The following NT5DC4 variants were observed in gnomAD, a reference collection of about 807,000 sequenced individuals.
NT5DC4 encodes 5'-nucleotidase domain containing 4.
NT5DC4 carries 44 observed loss-of-function variants against 26.6 expected under a neutral mutation model. The ratio of observed to expected loss-of-function variants is 1.65; its 90% CI spans 1.30 to 2.13. NT5DC4 has a LOEUF of 2.13. Ranked by LOEUF, NT5DC4 falls within the 30% of genes most tolerant of loss-of-function variation. The pLI, the probability that NT5DC4 is intolerant of heterozygous loss-of-function variation, is 0.00. For synonymous variants in NT5DC4, 157 were observed against 86.7 expected (o/e 1.81, Z -4.51); for missense variants, 399 against 228.1 (o/e 1.75, Z -4.83).
chr2:112,739,961 A>AT (rs905489088), downstream of NT5DC4, among the ~76,000 whole-genome samples: 9 of 146,428 alleles, frequency 6.1e-5, no homozygotes, highest in Non-Finnish European at 9.1e-5. Context: ...CAGCCTTTTC[A>AT]TTTTTTTTTT....
intron 16 of NT5DC4, chr2:112,736,538 C>A (rs567088790): frequency 6.6e-6 from 1 of 152,280 alleles, no homozygotes; most frequent in Admixed American, 6.5e-5. Context: ...TTAACTTTAG[C>A]CCTATCTCTA....
At chr2:112,720,501 C>T (rs544105491), upstream of NT5DC4, among the ~76,000 whole-genome samples, 1 of 152,274 alleles carries the variant, frequency 6.6e-6, no homozygotes, top group African/African-American at 2.4e-5. Flanking sequence ...TAGAACTCTA[C>T]ACTAAATGGC....
In NT5DC4 at chr2:112,728,123, T is replaced by A. The variant is rs884659; in HGVS notation, c.1266+1385T>A. ...GTGGGATCACAGTCTTGCAGATAAC[T>A]GTCTGTGTCTTAACAGACGCATGGG... On this transcript the variant is annotated intron_variant, in intron 15 of 16. Coordinates refer to ENST00000688554, the MANE Select transcript of NT5DC4 (RefSeq NM_001393655.1). Among the ~76,000 whole-genome samples the A allele has an allele frequency of 9.2e-3, 1,406 of 152,350 alleles. 18 individuals carry two copies. Among genetic ancestry groups the A allele is most frequent in the African/African-American group, 0.032 (1,342 of 41,584 alleles).
chr2:112,723,553 G>A (rs1677257765), intron 8 of NT5DC4, 85 bp downstream of exon 8: 1 of 701,274 alleles, frequency 1.4e-6, no homozygotes, highest in Admixed American at 2.1e-5. Flanking sequence ...CTTTCTTCGA[G>A]GTTTAGGCTG....
chr2:112,737,659 T>C (rs1437378431), intron 16 of NT5DC4: 2 of 152,210 alleles, frequency 1.3e-5, no homozygotes, highest in Admixed American at 1.3e-4. Context: ...AGCTTTATTA[T>C]AAATCTGACT....
At chr2:112,719,924 C>CTCTTTCTTTCTTTCTT (rs35714262), upstream of NT5DC4, among the ~76,000 whole-genome samples, 1 of 69,124 alleles carries the variant, frequency 1.4e-5, no homozygotes, top group African/African-American at 6.6e-5. Context: ...TTCTTTCTTT[C>CTCTTTCTTTCTTTCTT]TCTTTCTTTC....
chr2:112,741,224 C>T (rs1679937606), downstream of NT5DC4, among the ~76,000 whole-genome samples: 1 of 152,136 alleles, frequency 6.6e-6, no homozygotes, highest in African/African-American at 2.4e-5. Context: ...CCCTCGTAGC[C>T]AGCCCCCGAG....
intron 15 of NT5DC4, among the ~76,000 whole-genome samples, chr2:112,727,653 A>G (rs1677917352): frequency 6.6e-6 from 1 of 152,198 alleles, no homozygotes; most frequent in Non-Finnish European, 1.5e-5. Flanking sequence ...GGTCTACAAC[A>G]TGCTGCTCCT....
rs985371365 is a variant in NT5DC4, at chr2:112,725,241, G to A, written c.982+1G>A. 1 of 709,680 alleles carries A rather than the reference G, an allele frequency of 1.4e-6. No homozygotes were observed. Among genetic ancestry groups the A allele is most frequent in the Non-Finnish European group, 2.6e-6 (1 of 378,842 alleles). 44.0% of individuals were successfully genotyped at this position (709,680 alleles called of 1,614,324 possible). A position where few individuals can be genotyped will look rare whatever the true frequency, so the allele number is the denominator to read the frequency against. On this transcript the variant is annotated splice_donor_variant, in intron 12 of 16. Transcript: ENST00000688554. LOFTEE classifies it high-confidence loss of function. ...CAGCACTGTGCTGTCTACTCTGGAG[G>A]TACCAGCTCCCACCATGCCCCATCA... is the stretch of plus-strand genomic sequence containing the variant.
At chr2:112,723,885 G>T (rs1260364349) in intron 9 of NT5DC4, 83 bp downstream of exon 9, 3 of 702,152 alleles carry the variant, frequency 4.3e-6, no homozygotes, top group African/African-American at 3.5e-5. Context: ...AACAGGGAGG[G>T]GTGGGGCGGG....
chr2:112,740,490 G>A (rs147752678), downstream of NT5DC4, among the ~76,000 whole-genome samples: 6 of 152,292 alleles, frequency 3.9e-5, no homozygotes, highest in African/African-American at 1.4e-4. Context: ...CGTTCTTAGA[G>A]GGGTATTCAC....
intron 15 of NT5DC4, among the ~76,000 whole-genome samples, chr2:112,727,663 T>C (rs1234034083): frequency 2.0e-5 from 3 of 152,182 alleles, no homozygotes; most frequent in African/African-American, 7.2e-5. Flanking sequence ...ATGCTGCTCC[T>C]TCCTACAGAG....
chr2:112,729,581 T>C (rs1175982909), intron 15 of NT5DC4, 46 bp from the exon 16 acceptor site: 1 of 717,138 alleles, frequency 1.4e-6, no homozygotes, highest in Non-Finnish European at 2.6e-6. Flanking sequence ...TGGAAGGCCG[T>C]ACCCGGGACG....
intron 16 of NT5DC4, among the ~76,000 whole-genome samples, chr2:112,735,206 G>T (rs1035522723): frequency 1.3e-5 from 2 of 151,640 alleles, no homozygotes; most frequent in Non-Finnish European, 2.9e-5. Context: ...CCCACGCCTG[G>T]ATAACGCCTG....
chr2:112,737,344 A>G (rs1679351178), intron 16 of NT5DC4: 1 of 152,174 alleles, frequency 6.6e-6, no homozygotes, highest in South Asian at 2.1e-4. Flanking sequence ...CACGCCCACA[A>G]ACAGTGTACT....
upstream of NT5DC4, among the ~76,000 whole-genome samples, chr2:112,719,927 TTTC>T (rs1487509775): frequency 9.0e-5 from 2 of 22,242 alleles, no homozygotes; most frequent in African/African-American, 3.0e-4. Flanking sequence ...TTTCTTTCTC[TTTC>T]TTTCTTTCTT....
rs976836382 is a variant in NT5DC4, at chr2:112,722,566, T to C, written c.446T>C (p.Leu149Pro). The C allele has an allele frequency of 4.2e-6, 3 of 717,258 alleles. No individual in the cohort carries two copies. Among genetic ancestry groups the C allele is most frequent in the African/African-American group, 1.7e-5 (1 of 57,228 alleles). The allele number at this position is 717,258 out of a possible 1,614,324, so 44.4% of individuals were successfully genotyped here. ...GACGACCTGCAGTGTTTCTACATAC[T>C]CAACATGCTCTTCAACCTGCCTGGT... ...QRDDLQCFYILNMLFNLPETY... is the reference protein window; with the variant it reads ...QRDDLQCFYIPNMLFNLPETY... The change falls in exon 5 of 17, where the codon CTC (leucine) becomes CCC (proline). Residue 149 changes from leucine to proline, a missense_variant. Transcript: ENST00000688554.
downstream of NT5DC4, among the ~76,000 whole-genome samples, chr2:112,740,363 G>A (rs919687263): frequency 2.6e-5 from 4 of 152,152 alleles, no homozygotes; most frequent in Non-Finnish European, 4.4e-5. Flanking sequence ...TGACACTGAC[G>A]CCCTGACATA....
chr2:112,723,573 C>A (rs1347951681), intron 8 of NT5DC4, 105 bp downstream of exon 8: 3 of 687,456 alleles, frequency 4.4e-6, no homozygotes, highest in African/African-American at 1.8e-5. Context: ...GAGCTCTGCT[C>A]CCCGGATGGC....
Sources: allele counts gnomAD v4.1 joint callset (sites outside exome capture counted in the v4.1 genomes callset), GRCh38; gene constraint gnomAD v4.1.1; transcripts MANE v1.5; gene names NCBI Gene and HGNC (gene_info 2026-07-23, HGNC 2026-07-21).